Variants in MICAL2 observed in about 807,000 individuals in gnomAD.
MICAL2 encodes microtubule associated monooxygenase, calponin and LIM domain containing 2.
In MICAL2, 77 loss-of-function variants were observed where a neutral mutation model predicts 127.3. The ratio of observed to expected loss-of-function variants is 0.60; its 90% confidence interval spans 0.50 to 0.73. The LOEUF (loss-of-function observed/expected upper bound fraction) is 0.73, where lower values mean the gene tolerates loss of function less well. MICAL2 is among the 30% of genes least tolerant of loss of function. The pLI, the probability that MICAL2 is intolerant of heterozygous loss-of-function variation, is 0.00. For synonymous variants in MICAL2, 570 were observed against 551.1 expected, an observed-to-expected ratio of 1.03 and a Z score of -0.48; for missense variants, 1,351 against 1,434.4, an observed-to-expected ratio of 0.94 and a Z score of 0.94.
chr11:12,290,340 T>G (rs60816350), downstream of MICAL2, among the ~76,000 whole-genome samples: 13,879 of 152,122 alleles, frequency 0.091, 1,561 homozygotes, highest in African/African-American at 0.27. Context: ...CTGAGGTGTT[T>G]CTGTCAGGCT....
At chr11:12,238,557 GCTCAGTACC>G (rs1321923196) in intron 16 of MICAL2, among the ~76,000 whole-genome samples, 1 of 152,116 alleles carries the variant, frequency 6.6e-6, no homozygotes, top group African/African-American at 2.4e-5. Context: ...TTAAACAGCT[GCTCAGTACC>G]CTACAAAAAG....
At chr11:12,293,797 G>T (rs373345628), downstream of MICAL2, 4 of 1,606,472 alleles carry the variant, frequency 2.5e-6, no homozygotes, top group Non-Finnish European at 3.4e-6. Flanking sequence ...CCCCTCTTGG[G>T]GACATCGGAA....
chr11:12,200,487 C>T (rs965940206), intron 3 of MICAL2, among the ~76,000 whole-genome samples: 2 of 152,192 alleles, frequency 1.3e-5, no homozygotes, highest in Non-Finnish European at 2.9e-5. Context: ...TATTTGGCCT[C>T]TTGCCAGAAC....
intron 3 of MICAL2, among the ~76,000 whole-genome samples, chr11:12,192,059 G>A (rs1163517619): frequency 5.1e-5 from 3 of 58,288 alleles, no homozygotes; most frequent in African/African-American, 1.9e-4. Flanking sequence ...ACCCCCGCCC[G>A]CCACCCAAAA....
chr11:12,232,727 A>G (rs1176479673), intron 15 of MICAL2, among the ~76,000 whole-genome samples: 1 of 152,158 alleles, frequency 6.6e-6, no homozygotes, highest in Non-Finnish European at 1.5e-5. Flanking sequence ...GTCCCCAAAA[A>G]GAGAATAAAT....
chr11:12,251,468 A>G (rs1861537595), intron 22 of MICAL2, among the ~76,000 whole-genome samples: 1 of 151,658 alleles, frequency 6.6e-6, no homozygotes, highest in African/African-American at 2.4e-5. Flanking sequence ...TGGCCTCTCA[A>G]AGAAGTGCTG....
chr11:12,239,315 C>A, intron 16 of MICAL2, 121 bp from the exon 17 acceptor site: 1 of 1,380,032 alleles, frequency 7.2e-7, no homozygotes, highest in Non-Finnish European at 1.0e-6. Context: ...GCCTCCCTTC[C>A]TCAGACCATG....
At chr11:12,324,160 A>G (rs894776457) in intron 31 of MICAL2, 1 of 1,445,936 alleles carries the variant, frequency 6.9e-7, no homozygotes, top group African/African-American at 1.4e-5. Context: ...TCTGCATTGT[A>G]TTAGGGAAAG....
At chr11:12,186,904 A>T (rs950621140) in intron 3 of MICAL2, among the ~76,000 whole-genome samples, 1 of 152,218 alleles carries the variant, frequency 6.6e-6, no homozygotes. Context: ...GCCCATGAGC[A>T]GCTGGGCTGT....
At chr11:12,172,182 C>T (rs1380381088) in intron 3 of MICAL2, among the ~76,000 whole-genome samples, 2 of 152,172 alleles carry the variant, frequency 1.3e-5, no homozygotes, top group East Asian at 1.9e-4. Context: ...TAGCTACATA[C>T]ATCTCTTTAT....
chr11:12,357,438 G>A (rs1294575299), intron 34 of MICAL2, among the ~76,000 whole-genome samples: 2 of 152,202 alleles, frequency 1.3e-5, no homozygotes, highest in African/African-American at 2.4e-5. Flanking sequence ...GAAGACAAAG[G>A]GAAAAGCAAA....
chr11:12,152,297 C>CAAAAAAAAAAAAAA (rs540812572), intron 2 of MICAL2, among the ~76,000 whole-genome samples: 3 of 38,390 alleles, frequency 7.8e-5, no homozygotes, highest in African/African-American at 2.9e-4. Flanking sequence ...GACTCTGTCT[C>CAAAAAAAAAAAAAA]AAAAAAAAAA....
Position 12,283,299 on chromosome 11 carries a change from C to A in MICAL2, c.254+2200C>A, listed in dbSNP as rs543802741. 2.1e-5 allele frequency among the ~76,000 whole-genome samples: 3 copies of A among 146,002 alleles called. No individual in the cohort carries two copies. The East Asian group carries it at 6.3e-4, about 30-fold the overall frequency. On this transcript the variant is annotated intron_variant, in intron 2 of 2. Coordinates refer to the MICAL2 transcript ENST00000529028. ...TAGACCAAGGGAATGCCAGACAAGA[C>A]CAGGATATTGCTTTGAAAAGACTCC...
At chr11:12,344,788 A>C (rs1399826583) in intron 32 of MICAL2, among the ~76,000 whole-genome samples, 4 of 144,234 alleles carry the variant, frequency 2.8e-5, no homozygotes, top group South Asian at 2.5e-4. Flanking sequence ...GGCGTGAGCC[A>C]CCGCGCCCGG....
At chr11:12,123,194 T>A (rs1032388215) in intron 1 of MICAL2, among the ~76,000 whole-genome samples, 2 of 152,256 alleles carry the variant, frequency 1.3e-5, no homozygotes, top group African/African-American at 2.4e-5. Flanking sequence ...CTGAATTTTT[T>A]AAGATTTTAG....
chr11:12,207,918 T>C, intron 4 of MICAL2, 105 bp from the exon 5 acceptor site: 1 of 842,362 alleles, frequency 1.2e-6, no homozygotes, highest in Non-Finnish European at 2.0e-6. Flanking sequence ...GTTGGTATAC[T>C]GCTGTGCTCA....
Position 12,257,183 on chromosome 11 carries a change from T to C in MICAL2, c.3142+212T>C. The C allele has an allele frequency of 1.3e-5, 7 of 523,144 alleles. No individual in the cohort carries two copies. In the South Asian group the frequency reaches 2.2e-4, roughly 16 times the overall value. The allele number at this position is 523,144 out of a possible 1,614,324, so 32.4% of individuals were successfully genotyped here. A position where few individuals can be genotyped will look rare whatever the true frequency, so the allele number is the denominator to read the frequency against. On this transcript the variant is annotated intron_variant, in intron 24 of 27. Coordinates refer to ENST00000683283, the MANE Select transcript of MICAL2 (RefSeq NM_001282663.2). The stretch of plus-strand genomic sequence containing the variant: ...CAGGGAAGGGGTAGCATCAGCACTG[T>C]GGTACGGCATACCAGGTCCTGGTGG...
chr11:12,322,339 C>T (rs899528563), intron 30 of MICAL2, among the ~76,000 whole-genome samples: 2 of 152,094 alleles, frequency 1.3e-5, no homozygotes, highest in African/African-American at 2.4e-5. Context: ...TCCTAGCTGC[C>T]CCATGAAGAA....
At chr11:12,349,670 G>T (rs1282372308) in intron 32 of MICAL2, among the ~76,000 whole-genome samples, 2 of 152,160 alleles carry the variant, frequency 1.3e-5, no homozygotes, top group East Asian at 1.9e-4. Context: ...GCACAGGTGG[G>T]TTTTATTTGT....
Sources: allele counts gnomAD v4.1 joint callset (sites outside exome capture counted in the v4.1 genomes callset), GRCh38; gene constraint gnomAD v4.1.1; transcripts MANE v1.5; gene names NCBI Gene and HGNC (gene_info 2026-07-23, HGNC 2026-07-21).